JARID2: variants seen among roughly 807,000 people sequenced by gnomAD.
JARID2 encodes the protein protein Jumonji.
JARID2 carries 21 observed loss-of-function variants against 125.6 expected under a neutral mutation model. That is an observed-to-expected ratio of 0.17 (90% CI 0.12 to 0.24). JARID2 has a LOEUF of 0.24. Ranked by LOEUF, JARID2 falls within the 10% of genes least tolerant of loss-of-function variation. JARID2 has a pLI of 1.00. For missense variants in JARID2, 1,303 were observed against 1,639.6 expected (o/e 0.79, Z 3.55); for synonymous variants, 736 against 661.6 (o/e 1.11, Z -1.73).
chr6:15,289,783 T>C (rs1581375053), intron 1 of JARID2, among the ~76,000 whole-genome samples: 1 of 152,020 alleles, frequency 6.6e-6, no homozygotes, highest in African/African-American at 2.4e-5. Flanking sequence ...GAGGCGGAGG[T>C]TGCAGTAAGC....
Position 15,496,334 on chromosome 6 carries a change from C to T in JARID2, c.1109C>T (p.Ala370Val). ...TKPNHHKPSS[A>V]VNHTISGKTE... ...CCCAATCACCACAAGCCCAGTTCCG[C>T]TGTCAACCACACAATCTCAGGGAAA... The change falls in exon 7 of 18, where the codon GCT becomes GTT. Residue 370 changes from alanine to valine, a missense_variant. Ala to Val is a moderately conservative substitution (Grantham distance 64). Transcript: ENST00000341776. The T allele has an allele frequency of 6.2e-7, 1 of 1,614,200 alleles. No homozygotes were observed. The highest frequency in any genetic ancestry group is 8.5e-7 in the Non-Finnish European group (1 of 1,180,038).
intron 12 of JARID2, chr6:15,509,041 C>T (rs1771143622): frequency 7.8e-7 from 1 of 1,289,294 alleles, no homozygotes; most frequent in African/African-American, 1.5e-5. Flanking sequence ...TCGTTCCTGC[C>T]ATGTGGAGAC....
intron 8 of JARID2, among the ~76,000 whole-genome samples, chr6:15,501,931 A>C (rs1770757887): frequency 6.6e-6 from 1 of 152,110 alleles, no homozygotes; most frequent in African/African-American, 2.4e-5. Context: ...GATCCAGCTG[A>C]ACTTCTCACT....
At chr6:15,337,567 A>G (rs866947125) in intron 1 of JARID2, among the ~76,000 whole-genome samples, 4 of 152,190 alleles carry the variant, frequency 2.6e-5, no homozygotes, top group East Asian at 3.9e-4. Context: ...TGCCACACCA[A>G]TGGAACCCCT....
intron 2 of JARID2, among the ~76,000 whole-genome samples, chr6:15,389,245 G>C (rs1255124821): frequency 6.6e-6 from 1 of 152,096 alleles, no homozygotes; most frequent in East Asian, 1.9e-4. Context: ...ACTGCAGCTT[G>C]CGTGCACCGC....
chr6:15,265,624 C>T (rs1760054574), intron 1 of JARID2, among the ~76,000 whole-genome samples: 1 of 152,140 alleles, frequency 6.6e-6, no homozygotes, highest in African/African-American at 2.4e-5. Context: ...GCCAAGAAGC[C>T]AGGAAAGCCC....
At chr6:15,494,934 G>A (rs958672749) in intron 6 of JARID2, among the ~76,000 whole-genome samples, 24 of 152,112 alleles carry the variant, frequency 1.6e-4, no homozygotes, top group African/African-American at 5.6e-4. Context: ...CCTTCCTCTC[G>A]GGCTGTTGGG....
intron 1 of JARID2, among the ~76,000 whole-genome samples, chr6:15,344,534 T>C (rs1351586435): frequency 6.8e-6 from 1 of 147,960 alleles, no homozygotes; most frequent in Non-Finnish European, 1.5e-5. Flanking sequence ...AGTGTACAAT[T>C]CTTTTTTTTT....
At position 15,452,063 on chromosome 6, in the gene JARID2, A is replaced by C; in HGVS notation, c.381A>C (p.Thr127=). Residue 127 remains threonine, a synonymous_variant, in exon 4 of 18, where the codon ACA becomes ACC. Coordinates refer to ENST00000341776, the MANE Select transcript of JARID2 (RefSeq NM_004973.4). ...FAQSQPNSPS[T]TPVKIVEPLL... The stretch of plus-strand genomic sequence containing the variant: ...AGTCTCAGCCGAATAGTCCCAGCAC[A>C]ACTCCAGTAAAGATAGTGGAGCCAT... The C allele has an allele frequency of 6.2e-7, 1 of 1,614,156 alleles. No homozygotes were observed. Among genetic ancestry groups the C allele is most frequent in the African/African-American group, 1.3e-5 (1 of 75,022 alleles).
intron 5 of JARID2, among the ~76,000 whole-genome samples, chr6:15,480,333 G>A (rs576092360): frequency 3.3e-5 from 5 of 152,122 alleles, no homozygotes; most frequent in African/African-American, 4.8e-5. Context: ...TTTCAAGGAG[G>A]TTAGGCCTTC....
At chr6:15,284,453 C>T in intron 1 of JARID2, among the ~76,000 whole-genome samples, 1 of 151,984 alleles carries the variant, frequency 6.6e-6, no homozygotes, top group East Asian at 1.9e-4. Flanking sequence ...CCAGAGTTCC[C>T]AGACTCAGGA....
At chr6:15,431,175 A>G (rs913927803) in intron 3 of JARID2, among the ~76,000 whole-genome samples, 1 of 152,160 alleles carries the variant, frequency 6.6e-6, no homozygotes, top group Non-Finnish European at 1.5e-5. Context: ...CCTGCAATTC[A>G]GCCTAATTGA....
At position 15,255,442 on chromosome 6, in the gene JARID2, G is replaced by A. The variant is rs528619762; in HGVS notation, c.45+8858G>A. Among the ~76,000 whole-genome samples, 4 of 152,178 alleles carry A rather than the reference G, an allele frequency of 2.6e-5. No homozygotes were observed. In the East Asian group the frequency reaches 7.7e-4, roughly 29 times the overall value. On this transcript the variant is annotated intron_variant, in intron 1 of 17. Transcript: ENST00000341776. Reference sequence around the variant, plus strand: ...TAACAGTAACTTTTTTTCGGGGGAGGTGAGGAGGAGGAGTGAAAAGGATAG... The same window carrying A: ...TAACAGTAACTTTTTTTCGGGGGAGATGAGGAGGAGGAGTGAAAAGGATAG...
chr6:15,261,840 G>A (rs1426712913), intron 1 of JARID2, among the ~76,000 whole-genome samples: 1 of 145,396 alleles, frequency 6.9e-6, no homozygotes, highest in Non-Finnish European at 1.5e-5. Context: ...CTGTAGTGCA[G>A]TGGCGCAATC....
chr6:15,304,773 A>T (rs1296124516), intron 1 of JARID2, among the ~76,000 whole-genome samples: 1 of 152,142 alleles, frequency 6.6e-6, no homozygotes, highest in African/African-American at 2.4e-5. Context: ...CTGCTTTCTT[A>T]GATTATGAGC....
intron 1 of JARID2, among the ~76,000 whole-genome samples, chr6:15,253,776 C>G (rs993569572): frequency 1.8e-4 from 27 of 152,198 alleles, no homozygotes; most frequent in Middle Eastern, 3.2e-3. Context: ...ACAACACCCA[C>G]TTCTCTTAAC....
chr6:15,500,817 A>G (rs868615997), intron 7 of JARID2, 90 bp from the exon 8 acceptor site: 1 of 1,118,806 alleles, frequency 8.9e-7, no homozygotes. Flanking sequence ...GGCTCATAGT[A>G]GGAGTTCAAG....
chr6:15,330,330 A>C (rs1762666745), intron 1 of JARID2, among the ~76,000 whole-genome samples: 1 of 152,084 alleles, frequency 6.6e-6, no homozygotes, highest in African/African-American at 2.4e-5. Flanking sequence ...AAGCCTGCGC[A>C]CTCATTAATA....
chr6:15,372,691 G>C (rs762856508), intron 1 of JARID2, among the ~76,000 whole-genome samples: 1 of 151,434 alleles, frequency 6.6e-6, no homozygotes, highest in Non-Finnish European at 1.5e-5. Flanking sequence ...GTATCTGTAT[G>C]CTTCCATTTC....
Sources: gnomAD v4.1 joint callset for allele counts (sites outside exome capture counted in the v4.1 genomes callset) on GRCh38, gnomAD v4.1.1 for gene constraint, MANE v1.5 for transcripts, NCBI Gene and HGNC (gene_info 2026-07-23, HGNC 2026-07-21) for gene names.